ANO3: variants seen among roughly 807,000 people sequenced by gnomAD.
ANO3 encodes the protein anoctamin 3, also known as anoctamin-3.
Under a neutral mutation model 144.8 loss-of-function variants are expected in ANO3, and 99 were observed. The ratio of observed to expected loss-of-function variants is 0.68; its 90% CI spans 0.58 to 0.81. ANO3 has a LOEUF of 0.81. Ranked by LOEUF, ANO3 falls within the 30% of genes least tolerant of loss-of-function variation. The probability of loss-of-function intolerance (pLI) is 0.00; values close to 1 mark genes in which losing one functional copy is unlikely to be tolerated. For missense variants in ANO3, 905 were observed against 1,202.2 expected (o/e 0.75, Z 3.66); for synonymous variants, 414 against 392.6 (o/e 1.05, Z -0.64).
intron 14 of ANO3, among the ~76,000 whole-genome samples, chr11:26,584,603 G>C (rs946946503): frequency 2.0e-5 from 3 of 152,050 alleles, no homozygotes; most frequent in Non-Finnish European, 2.9e-5. Context: ...CACTAAAAAA[G>C]CTAAGGAAAA....
intron 1 of ANO3, among the ~76,000 whole-genome samples, chr11:26,259,413 G>C (rs938862220): frequency 6.6e-6 from 1 of 152,086 alleles, no homozygotes; most frequent in Admixed American, 6.6e-5. Flanking sequence ...TCTTTGGGAG[G>C]CCGAGGCAGG....
At chr11:26,351,420 T>G (rs952020844) in intron 1 of ANO3, among the ~76,000 whole-genome samples, 1 of 152,172 alleles carries the variant, frequency 6.6e-6, no homozygotes, top group African/African-American at 2.4e-5. Flanking sequence ...TTTTAAAATA[T>G]ATTTTATTGT....
chr11:26,296,821 A>G (rs1854101045), intron 1 of ANO3, among the ~76,000 whole-genome samples: 1 of 152,178 alleles, frequency 6.6e-6, no homozygotes, highest in Non-Finnish European at 1.5e-5. Context: ...TTACTATGAA[A>G]AATATGATTA....
intron 5 of ANO3, among the ~76,000 whole-genome samples, chr11:26,509,957 C>T (rs988622919): frequency 6.6e-6 from 1 of 151,690 alleles, no homozygotes; most frequent in South Asian, 2.1e-4. Context: ...TCCTGGCCAA[C>T]GTGGTGAAAA....
At chr11:26,623,880 G>C (rs1053824640) in intron 17 of ANO3, among the ~76,000 whole-genome samples, 2 of 152,112 alleles carry the variant, frequency 1.3e-5, no homozygotes, top group South Asian at 2.1e-4. Context: ...TCTGCCTCCC[G>C]GTTTCACGTC....
intron 1 of ANO3, among the ~76,000 whole-genome samples, chr11:26,300,842 C>A (rs529384196): frequency 3.7e-4 from 54 of 147,880 alleles, no homozygotes; most frequent in Middle Eastern, 3.4e-3. Context: ...TTATTTATTT[C>A]TTTCTTTTTT....
At chr11:26,410,840 C>CA (rs1364459829) in intron 1 of ANO3, among the ~76,000 whole-genome samples, 1 of 151,950 alleles carries the variant, frequency 6.6e-6, no homozygotes, top group African/African-American at 2.4e-5. Context: ...CATCCAGAAC[C>CA]AGAGTCTAAT....
chr11:26,617,882 C>T (rs1208242456), intron 17 of ANO3, among the ~76,000 whole-genome samples: 2 of 152,122 alleles, frequency 1.3e-5, no homozygotes, highest in African/African-American at 4.8e-5. Context: ...CTAAATAGCC[C>T]TCTGATCACC....
intron 14 of ANO3, among the ~76,000 whole-genome samples, chr11:26,596,812 A>T (rs1851642387): frequency 6.6e-6 from 1 of 152,058 alleles, no homozygotes; most frequent in Non-Finnish European, 1.5e-5. Flanking sequence ...TTGAGTAGAG[A>T]CTTCTGGCTG....
intron 1 of ANO3, among the ~76,000 whole-genome samples, chr11:26,217,042 T>C (rs1346410368): frequency 6.6e-6 from 1 of 152,040 alleles, no homozygotes; most frequent in Non-Finnish European, 1.5e-5. Context: ...AACAGTGCTT[T>C]TTCAACAAAG....
intron 9 of ANO3, among the ~76,000 whole-genome samples, chr11:26,535,954 T>C (rs1322047183): frequency 6.6e-6 from 1 of 151,948 alleles, no homozygotes; most frequent in African/African-American, 2.4e-5. Flanking sequence ...TTACTGAGCA[T>C]TCAAAACAGT....
chr11:26,425,812 C>T (rs1276352931), intron 1 of ANO3, among the ~76,000 whole-genome samples: 1 of 152,074 alleles, frequency 6.6e-6, no homozygotes, highest in Admixed American at 6.6e-5. Flanking sequence ...TTGCTATGGT[C>T]TTTTCTAAGT....
intron 1 of ANO3, among the ~76,000 whole-genome samples, chr11:26,440,155 A>G (rs891090812): frequency 1.3e-5 from 2 of 152,208 alleles, no homozygotes; most frequent in Admixed American, 6.5e-5. Flanking sequence ...TCAGGTGTCA[A>G]TAAGAAACTT....
At chr11:26,358,636 A>T (rs181864701) in intron 1 of ANO3, among the ~76,000 whole-genome samples, 160 of 152,252 alleles carry the variant, frequency 1.1e-3, no homozygotes, top group South Asian at 3.7e-3. Flanking sequence ...GCCTTCTTAA[A>T]TATGTGGGTG....
intron 4 of ANO3, among the ~76,000 whole-genome samples, chr11:26,485,511 A>G (rs1860411244): frequency 6.6e-6 from 1 of 152,204 alleles, no homozygotes; most frequent in Non-Finnish European, 1.5e-5. Context: ...TACAGCCTGC[A>G]GAACTGTGAA....
intron 17 of ANO3, among the ~76,000 whole-genome samples, chr11:26,615,989 T>C (rs992100099): frequency 6.6e-6 from 1 of 152,212 alleles, no homozygotes; most frequent in Non-Finnish European, 1.5e-5. Context: ...TTCTATCAAA[T>C]ATGTCTAGTA....
In ANO3 at chr11:26,663,254, A is replaced by G. The variant is rs1459206645; in HGVS notation, c.*2810A>G. On this transcript the variant is annotated 3_prime_UTR_variant, in exon 27 of 27. Transcript: ENST00000256737. ...TATTGTATGATGGAATGAATAGAAA[A>G]CTTTTTCACTCAATAAATTATTATT... 6.6e-6 allele frequency: 1 copy of G among 152,014 alleles called. No homozygotes were observed. The highest frequency in any genetic ancestry group is 1.5e-5 in the Non-Finnish European group (1 of 67,970). The allele number at this position is 152,014 out of a possible 1,614,324, so 9.4% of individuals were successfully genotyped here. A position where few individuals can be genotyped will look rare whatever the true frequency, so the allele number is the denominator to read the frequency against.
intron 1 of ANO3, among the ~76,000 whole-genome samples, chr11:26,389,829 C>T (rs1856829745): frequency 6.6e-6 from 1 of 152,034 alleles, no homozygotes; most frequent in Non-Finnish European, 1.5e-5. Context: ...CATGCATACT[C>T]TCTAGAATTC....
At chr11:26,229,958 C>A (rs1023463723) in intron 1 of ANO3, among the ~76,000 whole-genome samples, 3 of 152,158 alleles carry the variant, frequency 2.0e-5, no homozygotes, top group African/African-American at 7.2e-5. Context: ...ACCCTCTGAT[C>A]CTTTATTCTT....
Sources: allele counts gnomAD v4.1 joint callset (sites outside exome capture counted in the v4.1 genomes callset), GRCh38; gene constraint gnomAD v4.1.1; transcripts MANE v1.5; gene names NCBI Gene and HGNC (gene_info 2026-07-23, HGNC 2026-07-21).